Variants in CENPW observed in about 807,000 individuals in gnomAD.
CENPW encodes the protein cancer-up-regulated gene 2 protein.
A neutral mutation model predicts 11.1 loss-of-function variants in CENPW; 3 were observed. The ratio of observed to expected loss-of-function variants is 0.27; its 90% CI spans 0.12 to 0.70. The LOEUF (loss-of-function observed/expected upper bound fraction) is 0.70. Among genes scored for constraint, CENPW ranks in the 30% least tolerant of loss-of-function variants. The pLI is 0.77. For synonymous variants in CENPW, 38 were observed against 42.0 expected, an observed-to-expected ratio of 0.91 and a Z score of 0.37; for missense variants, 100 against 105.6, an observed-to-expected ratio of 0.95 and a Z score of 0.23.
At chr6:126,406,048 G>A in the CENPW span, among the ~76,000 whole-genome samples, 1 of 152,068 alleles carries the variant, frequency 6.6e-6, no homozygotes, top group African/African-American at 2.4e-5. Context: ...TAGAGGAAAA[G>A]CTTTTAACAT....
At chr6:126,416,036 G>A in the CENPW span, among the ~76,000 whole-genome samples, 1 of 152,146 alleles carries the variant, frequency 6.6e-6, no homozygotes, top group Non-Finnish European at 1.5e-5. Flanking sequence ...TGGGAAAGTT[G>A]GGAACTCCCT....
chr6:126,349,795 A>C (rs1223151262), downstream of CENPW, among the ~76,000 whole-genome samples: 2 of 152,124 alleles, frequency 1.3e-5, no homozygotes, highest in Non-Finnish European at 2.9e-5. Context: ...TATGGACATA[A>C]ATTTTAATTT....
At chr6:126,464,697 C>T in the CENPW span, among the ~76,000 whole-genome samples, 20 of 152,224 alleles carry the variant, frequency 1.3e-4, no homozygotes, top group Admixed American at 4.6e-4. Flanking sequence ...GTGTGCTTCC[C>T]TACTTTTGCG....
the CENPW span, among the ~76,000 whole-genome samples, chr6:126,454,558 A>G: frequency 6.6e-6 from 1 of 151,350 alleles, no homozygotes; most frequent in African/African-American, 2.4e-5. Flanking sequence ...AATCTCAGGG[A>G]CACAGCTAAC....
the CENPW span, among the ~76,000 whole-genome samples, chr6:126,409,680 T>G: frequency 1.3e-5 from 2 of 152,076 alleles, no homozygotes; most frequent in African/African-American, 4.8e-5. Context: ...TAGTCTTTTT[T>G]TAGTCTTTTA....
chr6:126,347,158 T>C (rs1780427091), intron 2 of CENPW, among the ~76,000 whole-genome samples: 1 of 152,138 alleles, frequency 6.6e-6, no homozygotes, highest in Admixed American at 6.5e-5. Flanking sequence ...CTTCCTTGAT[T>C]AGTCACAGTA....
At chr6:126,368,233 C>T in the CENPW span, among the ~76,000 whole-genome samples, 1 of 152,164 alleles carries the variant, frequency 6.6e-6, no homozygotes, top group African/African-American at 2.4e-5. Flanking sequence ...AAGGCAGTGC[C>T]TGCATCAGGA....
At chr6:126,466,795 G>GGATA in the CENPW span, among the ~76,000 whole-genome samples, 1 of 151,978 alleles carries the variant, frequency 6.6e-6, no homozygotes, top group African/African-American at 2.4e-5. Context: ...TAAAGTTTCA[G>GGATA]GATACAATAT....
the CENPW span, among the ~76,000 whole-genome samples, chr6:126,386,274 G>A: frequency 6.6e-6 from 1 of 152,018 alleles, no homozygotes; most frequent in Non-Finnish European, 1.5e-5. Context: ...ACCTCAGTCA[G>A]ACTATTTACT....
chr6:126,465,377 T>C, the CENPW span, among the ~76,000 whole-genome samples: 1 of 152,070 alleles, frequency 6.6e-6, no homozygotes, highest in Non-Finnish European at 1.5e-5. Context: ...AAATTAAAGG[T>C]TATTTTAATA....
At chr6:126,411,890 ACCTT>A in the CENPW span, among the ~76,000 whole-genome samples, 51 of 143,340 alleles carry the variant, frequency 3.6e-4, no homozygotes, top group East Asian at 3.6e-3. Context: ...CGTCCTTCCT[ACCTT>A]CCTTCCTTCC....
the CENPW span, among the ~76,000 whole-genome samples, chr6:126,400,166 A>G: frequency 2.6e-5 from 4 of 152,066 alleles, no homozygotes; most frequent in African/African-American, 4.8e-5. Flanking sequence ...AGTGAGTAAC[A>G]GTTTTTCAAA....
chr6:126,414,059 TA>T, the CENPW span, among the ~76,000 whole-genome samples: 1 of 151,760 alleles, frequency 6.6e-6, no homozygotes. Context: ...AGTAAAAGAC[TA>T]AAAAAAGACT....
At chr6:126,379,068 A>T in the CENPW span, among the ~76,000 whole-genome samples, 1 of 152,142 alleles carries the variant, frequency 6.6e-6, no homozygotes, top group African/African-American at 2.4e-5. Context: ...AAATGTGTGA[A>T]CTCTTATTCT....
the CENPW span, among the ~76,000 whole-genome samples, chr6:126,404,215 A>C: frequency 6.6e-6 from 1 of 152,094 alleles, no homozygotes; most frequent in Non-Finnish European, 1.5e-5. Flanking sequence ...ATAGAGATAT[A>C]AAAGATTAAT....
At chr6:126,481,153 G>A in the CENPW span, among the ~76,000 whole-genome samples, 368 of 151,834 alleles carry the variant, frequency 2.4e-3, no homozygotes, top group Middle Eastern at 6.8e-3. Context: ...TCCTCTTGTC[G>A]TCTCTTCATA....
the CENPW span, among the ~76,000 whole-genome samples, chr6:126,454,279 T>C: frequency 6.6e-6 from 1 of 151,224 alleles, no homozygotes; most frequent in East Asian, 1.9e-4. Context: ...ATTCTTCTCA[T>C]GTGCACATGG....
chr6:126,408,308 G>A, the CENPW span, among the ~76,000 whole-genome samples: 1 of 152,142 alleles, frequency 6.6e-6, no homozygotes, highest in African/African-American at 2.4e-5. Context: ...TGGCTGGGGA[G>A]GTCTCATAAT....
chr6:126,458,379 CCT>C, the CENPW span, among the ~76,000 whole-genome samples: 7 of 151,242 alleles, frequency 4.6e-5, no homozygotes, highest in Non-Finnish European at 1.0e-4. Context: ...CATATATTCC[CCT>C]CTCTCCTCAA....
Sources: gnomAD v4.1 joint callset for allele counts (sites outside exome capture counted in the v4.1 genomes callset) on GRCh38, gnomAD v4.1.1 for gene constraint, MANE v1.5 for transcripts, NCBI Gene and HGNC (gene_info 2026-07-23, HGNC 2026-07-21) for gene names.